HMGXB3: variants seen among roughly 807,000 people sequenced by gnomAD.
HMGXB3 encodes HMG domain-containing protein 3.
In HMGXB3, 45 loss-of-function variants were observed where a neutral mutation model predicts 121.5. The ratio of observed to expected loss-of-function variants is 0.37; its 90% CI spans 0.29 to 0.47. The LOEUF (loss-of-function observed/expected upper bound fraction) is 0.47, where lower values mean the gene tolerates loss of function less well. Among genes scored for constraint, HMGXB3 ranks in the 20% least tolerant of loss-of-function variants. The pLI is 0.99. For synonymous variants in HMGXB3, 590 were observed against 624.1 expected (o/e 0.95, Z 0.81); for missense variants, 1,376 against 1,602.2 (o/e 0.86, Z 2.41).
At position 150,045,667 on chromosome 5, in the gene HMGXB3, G is replaced by T. The variant is rs1005830516; in HGVS notation, c.2932G>T (p.Asp978Tyr). Residue 978 changes from aspartate to tyrosine, a missense_variant, in exon 16 of 20, where the codon GAT (aspartate) becomes TAT (tyrosine). By Grantham distance (160) the Asp-to-Tyr change is radical. Coordinates refer to ENST00000502717, the MANE Select transcript of HMGXB3 (RefSeq NM_014983.3). Reference sequence around the variant, plus strand: ...CAACACTGAGAAAGACAAAAACCTGGATGTGCAGCCAGTACCTGGTAAGGC... The same window carrying T: ...CAACACTGAGAAAGACAAAAACCTGTATGTGCAGCCAGTACCTGGTAAGGC... ...VVNTEKDKNL[D>Y]VQPVPGSGSA... The T allele has an allele frequency of 1.3e-6, 2 of 1,551,692 alleles. No individual in the cohort carries two copies. The highest frequency in any genetic ancestry group is 1.7e-6 in the Non-Finnish European group (2 of 1,146,998).
chr5:150,049,412 C>CA (rs1170583934), intron 18 of HMGXB3, among the ~76,000 whole-genome samples: 1 of 151,438 alleles, frequency 6.6e-6, no homozygotes, highest in African/African-American at 2.4e-5. Context: ...GAACGGAAAC[C>CA]CCCCCCCTTA....
At chr5:150,004,317 G>A (rs1197007142) in intron 1 of HMGXB3, among the ~76,000 whole-genome samples, 1 of 152,146 alleles carries the variant, frequency 6.6e-6, no homozygotes, top group Non-Finnish European at 1.5e-5. Context: ...GACCAAAATT[G>A]CACAAGCTGG....
chr5:150,041,118 T>G (rs1282977952), intron 14 of HMGXB3, among the ~76,000 whole-genome samples: 2 of 152,248 alleles, frequency 1.3e-5, no homozygotes, highest in African/African-American at 4.8e-5. Context: ...GAGTGACTTG[T>G]AGAAGTACCT....
At chr5:150,051,578 G>T (rs1403882118) in intron 19 of HMGXB3, 147 bp from the exon 20 acceptor site, 4 of 632,312 alleles carry the variant, frequency 6.3e-6, no homozygotes, top group African/African-American at 1.8e-5. Flanking sequence ...TGGAGGCACT[G>T]GCGGGCAGGG....
intron 11 of HMGXB3, among the ~76,000 whole-genome samples, chr5:150,034,922 T>C (rs1756468380): frequency 6.6e-6 from 1 of 152,228 alleles, no homozygotes; most frequent in African/African-American, 2.4e-5. Flanking sequence ...CAGCTCATTC[T>C]AGTGTTAGTC....
At chr5:150,011,088 G>C (rs1388225014) in intron 4 of HMGXB3, among the ~76,000 whole-genome samples, 1 of 152,104 alleles carries the variant, frequency 6.6e-6, no homozygotes, top group African/African-American at 2.4e-5. Context: ...CATCACACTG[G>C]CTCCCTGAAG....
chr5:150,032,486 A>G lies in HMGXB3; in HGVS notation c.1866A>G (p.Gly622=). The G allele has an allele frequency of 6.4e-7, 1 of 1,551,734 alleles. No individual in the cohort carries two copies. The highest frequency in any genetic ancestry group is 8.7e-7 in the Non-Finnish European group (1 of 1,146,986). The part of the protein sequence containing the change: ...DLGLATSRGR[G]KCKNPSCSYV... ...GCCTGGCTACATCAAGAGGCCGGGG[A>G]AAGTGCAAGAATCCCTCTTGTAGCT... is the stretch of plus-strand genomic sequence containing the variant. The change falls in exon 11 of 20, where the codon GGA becomes GGG. Residue 622 remains glycine (G), a synonymous_variant. Transcript: ENST00000502717.
intron 13 of HMGXB3, among the ~76,000 whole-genome samples, chr5:150,039,467 A>T (rs2113756299): frequency 6.6e-6 from 1 of 152,036 alleles, no homozygotes; most frequent in East Asian, 1.9e-4. Flanking sequence ...TTGTTTTTGT[A>T]AATATTATAA....
chr5:150,028,559 AT>A (rs55858256), intron 9 of HMGXB3, among the ~76,000 whole-genome samples: 2,514 of 38,816 alleles, frequency 0.065, 212 homozygotes, highest in Admixed American at 0.22. Flanking sequence ...ATATATATAT[AT>A]TTTTTTTTTT....
At chr5:150,034,472 G>C (rs1756455167) in intron 11 of HMGXB3, among the ~76,000 whole-genome samples, 1 of 152,084 alleles carries the variant, frequency 6.6e-6, no homozygotes, top group Non-Finnish European at 1.5e-5. Flanking sequence ...CAGTGGAAGT[G>C]GGTGTTACTC....
rs1467905435 is a variant in HMGXB3 at position 150,047,699 on chromosome 5, A to G, written c.3026A>G (p.Glu1009Gly). The stretch of plus-strand genomic sequence containing the variant: ...GATGAGATTGGCTCCTACAGTGAAG[A>G]GAAGCTGCAGCACCTGCTAAGGCAG... ...KLDEIGSYSEEKLQHLLRQCG... is the reference protein window; with the variant it reads ...KLDEIGSYSEGKLQHLLRQCG... The change falls in exon 17 of 20, where the codon GAG (glutamate) becomes GGG (glycine). Residue 1009 changes from glutamate (E) to glycine (G), a missense_variant. Coordinates refer to ENST00000502717, the MANE Select transcript of HMGXB3 (RefSeq NM_014983.3). 1 of 1,551,662 alleles carries G rather than the reference A, an allele frequency of 6.4e-7. No homozygotes were observed. The highest frequency in any genetic ancestry group is 8.7e-7 in the Non-Finnish European group (1 of 1,147,016).
rs1376780446 is a variant in HMGXB3, at chr5:150,018,585, G to A, written c.929G>A (p.Arg310Gln). 1.9e-6 allele frequency: 3 copies of A among 1,548,440 alleles called. No homozygotes were observed. Among genetic ancestry groups the A allele is most frequent in the Admixed American group, 2.0e-5 (1 of 50,508 alleles). Residue 310 changes from arginine (R) to glutamine (Q), a missense_variant, in exon 6 of 20, where the codon CGG (arginine) becomes CAG (glutamine). This residue lies in a region of HMGXB3 where 1,116 missense variants were observed against 1,369.0 expected (regional missense o/e 0.82). Transcript: ENST00000502717. ...TTACAGACCACTACATATACCCGCC[G>A]GGGCCATGGGACATGCACCAGCCCA... The part of the protein sequence containing the change: ...SIKLTTTYTR[R>Q]GHGTCTSPGC...
intron 6 of HMGXB3, among the ~76,000 whole-genome samples, chr5:150,020,292 T>G (rs1756058699): frequency 6.6e-6 from 1 of 152,218 alleles, no homozygotes; most frequent in Admixed American, 6.5e-5. Context: ...TGTGCCATCT[T>G]CTCTGATGTG....
chr5:150,037,445 T>C lies in HMGXB3; in HGVS notation c.2331T>C (p.Arg777=), dbSNP rs1157194838. 1.3e-6 allele frequency: 2 copies of C among 1,551,276 alleles called. No individual in the cohort carries two copies. The highest frequency in any genetic ancestry group is 2.7e-5 in the African/African-American group (2 of 73,016). ...PQECWLLTAS[R]LQTVTAQVKM... ...AGTGCTGGCTGCTGACAGCCAGCCG[T>C]CTGCAGACAGTGACTGCCCAGGTGA... The change falls in exon 13 of 20, where the codon CGT becomes CGC. Residue 777 remains arginine, a synonymous_variant. Transcript: ENST00000502717.
At position 150,052,990 on chromosome 5, in the gene HMGXB3, T is replaced by G; in HGVS notation, c.*798T>G. Reference sequence around the variant, plus strand: ...TATGAAGGGGAAGCAGACTGGGCCATAAGGAAACAGCAGGACTGGCTCAAG... The same window carrying G: ...TATGAAGGGGAAGCAGACTGGGCCAGAAGGAAACAGCAGGACTGGCTCAAG... On this transcript the variant is annotated 3_prime_UTR_variant, in exon 20 of 20. Coordinates refer to ENST00000502717, the MANE Select transcript of HMGXB3 (RefSeq NM_014983.3). 1 of 159,560 alleles carries G rather than the reference T, an allele frequency of 6.3e-6. No homozygotes were observed. The highest frequency in any genetic ancestry group is 1.4e-5 in the Non-Finnish European group (1 of 72,124). The allele number at this position is 159,560 out of a possible 1,614,324, so 9.9% of individuals were successfully genotyped here. A position where few individuals can be genotyped will look rare whatever the true frequency, so the allele number is the denominator to read the frequency against.
intron 13 of HMGXB3, 73 bp from the exon 14 acceptor site, chr5:150,040,675 G>A: frequency 6.8e-7 from 1 of 1,467,916 alleles, no homozygotes; most frequent in Non-Finnish European, 9.1e-7. Flanking sequence ...ACCGCACCCA[G>A]CTGGTGTGTA....
chr5:150,036,887 G>T lies in HMGXB3; in HGVS notation c.2235G>T (p.Pro745=), dbSNP rs77314173. ...CTTGGTCGAATTATTATGAGTCTCCGTCCACGCAGTGCCTTCTCTGTAGCA... is the reference window on the plus strand; with the variant it reads ...CTTGGTCGAATTATTATGAGTCTCCTTCCACGCAGTGCCTTCTCTGTAGCA... ...QTSWSNYYES[P]STQCLLCSSP... The change falls in exon 12 of 20, where the codon CCG becomes CCT. Residue 745 remains proline (P), a synonymous_variant. Transcript: ENST00000502717. 6.4e-7 allele frequency: 1 copy of T among 1,551,538 alleles called. No homozygotes were observed. The highest frequency in any genetic ancestry group is 1.4e-5 in the African/African-American group (1 of 73,040).
chr5:150,009,150 A>C (rs1326888286), intron 3 of HMGXB3, among the ~76,000 whole-genome samples: 2 of 152,130 alleles, frequency 1.3e-5, no homozygotes, highest in Non-Finnish European at 1.5e-5. Context: ...AACATAAATG[A>C]CTTTTTCTTG....
chr5:150,011,748 C>G (rs1755846201), intron 4 of HMGXB3, among the ~76,000 whole-genome samples: 1 of 151,638 alleles, frequency 6.6e-6, no homozygotes. Context: ...GGATTACAAG[C>G]ATGCGCCACC....
Sources: gnomAD v4.1 joint callset for allele counts (sites outside exome capture counted in the v4.1 genomes callset) on GRCh38, gnomAD v4.1.1 for gene constraint, gnomAD v4.1.1 regional missense constraint, MANE v1.5 for transcripts, NCBI Gene and HGNC (gene_info 2026-07-23, HGNC 2026-07-21) for gene names.